Variants in TMEM132C observed in about 807,000 individuals in gnomAD.
The protein encoded by TMEM132C is transmembrane protein 132C, also known as protein phosphatase 1, regulatory subunit 152.
A neutral mutation model predicts 61.4 loss-of-function variants in TMEM132C; 29 were observed. That is an observed-to-expected ratio of 0.47 (90% CI 0.35 to 0.64). TMEM132C has a LOEUF of 0.64. Ranked by LOEUF, TMEM132C falls within the 30% of genes least tolerant of loss-of-function variation. The pLI, the probability that TMEM132C is intolerant of heterozygous loss-of-function variation, is 0.00. For synonymous variants in TMEM132C, 656 were observed against 633.1 expected, an observed-to-expected ratio of 1.04 and a Z score of -0.54; for missense variants, 1,408 against 1,476.9, an observed-to-expected ratio of 0.95 and a Z score of 0.76.
chr12:128,629,856 C>T (rs1021824305), intron 4 of TMEM132C, among the ~76,000 whole-genome samples: 4 of 151,712 alleles, frequency 2.6e-5, no homozygotes, highest in Non-Finnish European at 5.9e-5. Flanking sequence ...ATCCCAGCTA[C>T]TCGGGAGACT....
intron 1 of TMEM132C, among the ~76,000 whole-genome samples, chr12:128,373,699 G>A (rs1874096859): frequency 6.6e-6 from 1 of 152,208 alleles, no homozygotes; most frequent in African/African-American, 2.4e-5. Flanking sequence ...TAGAGGATAC[G>A]AAAGGATTCC....
intron 5 of TMEM132C, among the ~76,000 whole-genome samples, chr12:128,677,663 G>C (rs2135637757): frequency 6.6e-6 from 1 of 152,272 alleles, no homozygotes; most frequent in South Asian, 2.1e-4. Flanking sequence ...CCCCCACCCT[G>C]GTCCTCAGCC....
chr12:128,272,041 G>A (rs955653632), intron 1 of TMEM132C, among the ~76,000 whole-genome samples: 1 of 152,210 alleles, frequency 6.6e-6, no homozygotes, highest in Non-Finnish European at 1.5e-5. Context: ...GCTTATTAAA[G>A]TGTAATTTGC....
At chr12:128,272,716 A>G (rs1566037825) in intron 1 of TMEM132C, among the ~76,000 whole-genome samples, 1 of 152,204 alleles carries the variant, frequency 6.6e-6, no homozygotes, top group Non-Finnish European at 1.5e-5. Context: ...TGATAGGTGT[A>G]TAATAGGCAT....
chr12:128,374,853 G>A (rs2135984731), intron 1 of TMEM132C, among the ~76,000 whole-genome samples: 1 of 151,816 alleles, frequency 6.6e-6, no homozygotes, highest in South Asian at 2.1e-4. Context: ...CCTGGAGGGT[G>A]GAGGTTGCAG....
intron 3 of TMEM132C, among the ~76,000 whole-genome samples, chr12:128,559,391 T>C (rs1225396295): frequency 1.3e-5 from 2 of 152,218 alleles, no homozygotes; most frequent in Non-Finnish European, 2.9e-5. Context: ...GGGGTTTTTT[T>C]TGCCTGGAAG....
At chr12:128,316,606 A>G (rs1872161560) in intron 1 of TMEM132C, among the ~76,000 whole-genome samples, 1 of 152,200 alleles carries the variant, frequency 6.6e-6, no homozygotes, top group Non-Finnish European at 1.5e-5. Context: ...CAGACATGCA[A>G]AGACCACAAT....
At chr12:128,656,603 G>GC (rs939710050) in intron 4 of TMEM132C, among the ~76,000 whole-genome samples, 2 of 152,204 alleles carry the variant, frequency 1.3e-5, no homozygotes, top group African/African-American at 4.8e-5. Flanking sequence ...TGGTAAATGT[G>GC]CCCCACCAAC....
intron 3 of TMEM132C, among the ~76,000 whole-genome samples, chr12:128,597,838 T>G (rs1435842826): frequency 6.6e-6 from 1 of 152,184 alleles, no homozygotes; most frequent in Non-Finnish European, 1.5e-5. Flanking sequence ...TTTAAGTGTT[T>G]GAGGGTGTTG....
At position 128,597,499 on chromosome 12, in the gene TMEM132C, AGGAAG is replaced by A. The variant is rs1593114144; in HGVS notation, c.1122-18651_1122-18647del. Among the ~76,000 whole-genome samples the A allele has an allele frequency of 8.3e-3, 45 of 5,442 alleles. No individual in the cohort carries two copies. In the South Asian group the frequency reaches 0.4, roughly 48 times the overall value. 3.6% of individuals were successfully genotyped at this position (5,442 alleles called of 152,430 possible). On this transcript the variant is annotated intron_variant, in intron 3 of 8. Coordinates refer to ENST00000435159, the MANE Select transcript of TMEM132C (RefSeq NM_001136103.3). The stretch of plus-strand genomic sequence containing the variant: ...GAGGAAGGAAGGAAGGAAGGAAAGA[AGGAAG>A]GAAGGAAGGAAGGAAGGAAGGAAGG...
intron 2 of TMEM132C, among the ~76,000 whole-genome samples, chr12:128,425,947 A>G (rs537286692): frequency 6.6e-6 from 1 of 152,306 alleles, no homozygotes; most frequent in South Asian, 2.1e-4. Context: ...TGCGTTCTGA[A>G]GTTCCCCGTT....
intron 2 of TMEM132C, among the ~76,000 whole-genome samples, chr12:128,440,285 T>C (rs1869739495): frequency 6.6e-6 from 1 of 152,248 alleles, no homozygotes; most frequent in African/African-American, 2.4e-5. Context: ...ATGAATTAGG[T>C]GCTCTTTTAG....
At chr12:128,355,550 A>G (rs978498883) in intron 1 of TMEM132C, among the ~76,000 whole-genome samples, 2 of 151,378 alleles carry the variant, frequency 1.3e-5, no homozygotes, top group Non-Finnish European at 2.9e-5. Context: ...AGTCATTGTC[A>G]CCCCTCTGCT....
At chr12:128,608,190 G>A (rs1876493576) in intron 3 of TMEM132C, among the ~76,000 whole-genome samples, 2 of 151,890 alleles carry the variant, frequency 1.3e-5, no homozygotes, top group African/African-American at 4.8e-5. Flanking sequence ...TCCACTTGGT[G>A]GGTAGTCGCT....
At chr12:128,587,426 T>C (rs776577524) in intron 3 of TMEM132C, among the ~76,000 whole-genome samples, 1 of 152,196 alleles carries the variant, frequency 6.6e-6, no homozygotes, top group Non-Finnish European at 1.5e-5. Context: ...AGCCAAGTCA[T>C]GGAAGGCCCC....
chr12:128,685,042 T>G (rs1184503349), intron 5 of TMEM132C, among the ~76,000 whole-genome samples: 2 of 152,102 alleles, frequency 1.3e-5, no homozygotes, highest in Non-Finnish European at 2.9e-5. Flanking sequence ...CGGTGGCCCC[T>G]CCAGGACAAG....
chr12:128,575,435 C>T (rs1247250878), intron 3 of TMEM132C, among the ~76,000 whole-genome samples: 6 of 151,458 alleles, frequency 4.0e-5, no homozygotes, highest in East Asian at 3.9e-4. Flanking sequence ...GCCAAGATGG[C>T]GCCATTGCAC....
At chr12:128,599,172 C>T (rs1876079615) in intron 3 of TMEM132C, among the ~76,000 whole-genome samples, 1 of 152,120 alleles carries the variant, frequency 6.6e-6, no homozygotes, top group Admixed American at 6.5e-5. Flanking sequence ...GTGAATTCAC[C>T]CCTGGGGTCA....
chr12:128,339,724 A>G (rs1048732657), intron 1 of TMEM132C, among the ~76,000 whole-genome samples: 1 of 151,392 alleles, frequency 6.6e-6, no homozygotes, highest in Non-Finnish European at 1.5e-5. Flanking sequence ...GCAGCTCTCC[A>G]TGCATTTGAG....
Sources: allele counts gnomAD v4.1 joint callset (sites outside exome capture counted in the v4.1 genomes callset), GRCh38; gene constraint gnomAD v4.1.1; transcripts MANE v1.5; gene names NCBI Gene and HGNC (gene_info 2026-07-23, HGNC 2026-07-21).